XKR4: variants seen among roughly 807,000 people sequenced by gnomAD.
XKR4 encodes XK related 4.
XKR4 carries 12 observed loss-of-function variants against 53.9 expected under a neutral mutation model. The observed-to-expected ratio is 0.22, with a 90% confidence interval of 0.14 to 0.36. The LOEUF (loss-of-function observed/expected upper bound fraction) is 0.36. Among genes scored for constraint, XKR4 ranks in the 10% least tolerant of loss-of-function variants. The pLI is 1.00. For synonymous variants in XKR4, 354 were observed against 362.4 expected (o/e 0.98, Z 0.26); for missense variants, 799 against 859.5 (o/e 0.93, Z 0.88).
chr8:55,206,013 G>A (rs1031319827), intron 1 of XKR4, among the ~76,000 whole-genome samples: 2 of 152,194 alleles, frequency 1.3e-5, no homozygotes, highest in African/African-American at 4.8e-5. Context: ...GCTCTTAAAG[G>A]TGGCGCGTCT....
Position 55,208,472 on chromosome 8 carries a change from T to TTTTTC in XKR4, c.806+105188_806+105192dup, listed in dbSNP as rs748529426. Among the ~76,000 whole-genome samples the TTTTTC allele has an allele frequency of 5.3e-5, 8 of 152,036 alleles. 1 individual carries two copies. The South Asian group carries it at 1.7e-3, about 32-fold the overall frequency. ...TTCTCATTGTTATAGTTTGTTTTCT[T>TTTTTC]TTTTCTTTTCTTTTTTTTTTGAGAC... On this transcript the variant is annotated intron_variant, in intron 1 of 2. Coordinates refer to ENST00000327381, the MANE Select transcript of XKR4 (RefSeq NM_052898.2).
At chr8:55,343,399 G>T (rs912325175) in intron 1 of XKR4, among the ~76,000 whole-genome samples, 2 of 152,116 alleles carry the variant, frequency 1.3e-5, no homozygotes, top group Non-Finnish European at 2.9e-5. Context: ...CCCACCACAG[G>T]CATGGGCAGG....
chr8:55,497,017 C>A (rs1806361974), intron 2 of XKR4, among the ~76,000 whole-genome samples: 2 of 152,178 alleles, frequency 1.3e-5, no homozygotes. Flanking sequence ...AATCCTACAC[C>A]TCAATGTCCG....
intron 2 of XKR4, among the ~76,000 whole-genome samples, chr8:55,463,688 C>G (rs1428096052): frequency 1.3e-5 from 2 of 152,032 alleles, no homozygotes; most frequent in South Asian, 2.1e-4. Context: ...AATCCAGGAG[C>G]TGGTTTTTTG....
chr8:55,304,692 G>C (rs1324077283), intron 1 of XKR4, among the ~76,000 whole-genome samples: 1 of 152,128 alleles, frequency 6.6e-6, no homozygotes, highest in African/African-American at 2.4e-5. Context: ...TGTATTGGGT[G>C]CATATATATT....
At chr8:55,250,385 G>T (rs754800544) in intron 1 of XKR4, among the ~76,000 whole-genome samples, 3 of 152,096 alleles carry the variant, frequency 2.0e-5, no homozygotes, top group Non-Finnish European at 4.4e-5. Context: ...AAAAAAGCAG[G>T]TCATACAGTG....
At chr8:55,515,855 G>A (rs1806704755) in intron 2 of XKR4, among the ~76,000 whole-genome samples, 1 of 152,178 alleles carries the variant, frequency 6.6e-6, no homozygotes, top group African/African-American at 2.4e-5. Flanking sequence ...GTCCTCCACA[G>A]CCTGCCATGT....
chr8:55,132,069 A>G (rs1816563025), intron 1 of XKR4, among the ~76,000 whole-genome samples: 1 of 152,186 alleles, frequency 6.6e-6, no homozygotes, highest in African/African-American at 2.4e-5. Context: ...CCAGGTAACC[A>G]GCAGTCAGCA....
At chr8:55,165,115 G>A (rs931892245) in intron 1 of XKR4, among the ~76,000 whole-genome samples, 1 of 152,188 alleles carries the variant, frequency 6.6e-6, no homozygotes, top group Admixed American at 6.5e-5. Flanking sequence ...CAGTATGCTT[G>A]TTCCTCCCAA....
Position 55,141,671 on chromosome 8 carries a change from C to CTCTCTCTCTCTCTG in XKR4, c.806+38378_806+38379insCTCTCTCTCTCTGT, listed in dbSNP as rs748708972. On this transcript the variant is annotated intron_variant, in intron 1 of 2. Coordinates refer to ENST00000327381, the MANE Select transcript of XKR4 (RefSeq NM_052898.2). Reference sequence around the variant, plus strand: ...TCTCTCTCTCTCTCTCTCTCTCTCTCTGTGTGTGTGTGTGTGTGTCTCTCT... The same window carrying CTCTCTCTCTCTCTG: ...TCTCTCTCTCTCTCTCTCTCTCTCTCTCTCTCTCTCTCTGTGTGTGTGTGTGTGTGTGTCTCTCT... Among the ~76,000 whole-genome samples the CTCTCTCTCTCTCTG allele has an allele frequency of 4.8e-3, 651 of 135,208 alleles. 12 individuals carry two copies. The highest frequency in any genetic ancestry group is 8.9e-3 in the South Asian group (32 of 3,604). 88.7% of individuals were successfully genotyped at this position (135,208 alleles called of 152,430 possible).
chr8:55,295,735 G>A (rs908551634), intron 1 of XKR4, among the ~76,000 whole-genome samples: 6 of 152,074 alleles, frequency 3.9e-5, no homozygotes, highest in African/African-American at 9.7e-5. Context: ...TCTCCTAAGC[G>A]TATTTTTCAA....
At chr8:55,450,773 A>C (rs1805427255) in intron 2 of XKR4, 1 of 547,834 alleles carries the variant, frequency 1.8e-6, no homozygotes, top group Admixed American at 2.4e-5. Context: ...GTTCAGTAGA[A>C]GGGGTCTGAG....
chr8:55,130,645 C>T (rs1816540212), intron 1 of XKR4, among the ~76,000 whole-genome samples: 1 of 152,198 alleles, frequency 6.6e-6, no homozygotes. Context: ...TTTGCCTTCA[C>T]AGTGTTCCTA....
At chr8:55,412,020 T>A (rs1358620579) in intron 2 of XKR4, among the ~76,000 whole-genome samples, 1 of 152,166 alleles carries the variant, frequency 6.6e-6, no homozygotes, top group South Asian at 2.1e-4. Flanking sequence ...CTTTTTAACC[T>A]CTTTATGGCA....
intron 1 of XKR4, among the ~76,000 whole-genome samples, chr8:55,343,885 C>T (rs1803594845): frequency 6.6e-6 from 1 of 152,172 alleles, no homozygotes; most frequent in Non-Finnish European, 1.5e-5. Flanking sequence ...CAATAATGTG[C>T]ACAATAACAC....
chr8:55,527,138 C>G lies in XKR4; in HGVS notation c.*2911C>G, dbSNP rs1420949707. The stretch of plus-strand genomic sequence containing the variant: ...GGTAATAACAACTTTTACTTGTTTT[C>G]TAGATGCACAGATAACAGAGAGTTT... On this transcript the variant is annotated 3_prime_UTR_variant, in exon 3 of 3. Coordinates refer to ENST00000327381, the MANE Select transcript of XKR4 (RefSeq NM_052898.2). 1 of 152,156 alleles carries G rather than the reference C, an allele frequency of 6.6e-6. No individual in the cohort carries two copies. The highest frequency in any genetic ancestry group is 1.9e-4 in the East Asian group (1 of 5,198). The allele number at this position is 152,156 out of a possible 1,614,324, so 9.4% of individuals were successfully genotyped here. A position where few individuals can be genotyped will look rare whatever the true frequency, so the allele number is the denominator to read the frequency against.
chr8:55,141,645 T>TTCTCTCTCTCTCTC (rs138063196), intron 1 of XKR4, among the ~76,000 whole-genome samples: 2,509 of 111,928 alleles, frequency 0.022, 54 homozygotes, highest in Middle Eastern at 0.058. Context: ...GTGCTTCTGC[T>TTCTCTCTCTCTCTC]TCTCTCTCTC....
In XKR4 at chr8:55,379,431, T is replaced by C. The variant is rs541560408; in HGVS notation, c.1006+21554T>C. On this transcript the variant is annotated intron_variant, in intron 2 of 2. Coordinates refer to ENST00000327381, the MANE Select transcript of XKR4 (RefSeq NM_052898.2). ...GTTTCAAAGAAATGCTCTTTTTAGT[T>C]TGCAACATCAGGAAGCTAGAAACAT... 3.3e-5 allele frequency among the ~76,000 whole-genome samples: 5 copies of C among 152,332 alleles called. No individual in the cohort carries two copies. In the East Asian group the frequency reaches 9.6e-4, roughly 29 times the overall value.
chr8:55,404,838 T>G (rs756076095), intron 2 of XKR4, among the ~76,000 whole-genome samples: 1 of 152,192 alleles, frequency 6.6e-6, no homozygotes, highest in Non-Finnish European at 1.5e-5. Context: ...CACCTGTCCA[T>G]CATGGTGGAG....
Sources: allele counts gnomAD v4.1 joint callset (sites outside exome capture counted in the v4.1 genomes callset), GRCh38; gene constraint gnomAD v4.1.1; transcripts MANE v1.5; gene names NCBI Gene and HGNC (gene_info 2026-07-23, HGNC 2026-07-21).